ITPR1: variants seen among roughly 807,000 people sequenced by gnomAD.
ITPR1 encodes the protein inositol 1,4,5-trisphosphate receptor type 1.
ITPR1 carries 96 observed loss-of-function variants against 318.4 expected under a neutral mutation model. That is an observed-to-expected ratio of 0.30 (90% confidence interval 0.26 to 0.36). The LOEUF (loss-of-function observed/expected upper bound fraction) is 0.36, where lower values mean the gene tolerates loss of function less well. ITPR1 is among the 10% of genes least tolerant of loss of function. ITPR1 has a pLI of 1.00. For missense variants in ITPR1, 2,440 were observed against 3,460.2 expected (o/e 0.71, Z 7.40); for synonymous variants, 1,312 against 1,289.9 (o/e 1.02, Z -0.37).
intron 4 of ITPR1, among the ~76,000 whole-genome samples, chr3:4,543,109 A>C (rs942141305): frequency 5.9e-5 from 9 of 152,078 alleles, no homozygotes; most frequent in African/African-American, 2.2e-4. Flanking sequence ...CCGTGTTTGA[A>C]TATTTAAACA....
intron 60 of ITPR1, among the ~76,000 whole-genome samples, chr3:4,821,228 G>T (rs577982819): frequency 1.3e-5 from 2 of 152,322 alleles, no homozygotes; most frequent in African/African-American, 4.8e-5. Flanking sequence ...TAGGGTATGT[G>T]GTCCTCAGGA....
intron 5 of ITPR1, among the ~76,000 whole-genome samples, chr3:4,632,965 G>T (rs1408754712): frequency 1.0e-4 from 13 of 130,450 alleles, no homozygotes; most frequent in African/African-American, 3.8e-4. Context: ...TTTGAGATGG[G>T]GTCTTGCTCT....
In ITPR1 at chr3:4,833,658, G is replaced by C. The variant is rs77090043; in HGVS notation, c.8029-3116G>C. Among the ~76,000 whole-genome samples the C allele has an allele frequency of 1.2e-4, 18 of 152,320 alleles. No homozygotes were observed. The East Asian group carries it at 3.5e-3, about 29-fold the overall frequency. On this transcript the variant is annotated intron_variant, in intron 60 of 61. Coordinates refer to ENST00000649015, the MANE Select transcript of ITPR1 (RefSeq NM_001378452.1). Reference sequence around the variant, plus strand: ...TTCTGTTTCCCTCTAGTCTTCAACAGTCCAAGCTGCTCCTGCCTGTCTGCC... The same window carrying C: ...TTCTGTTTCCCTCTAGTCTTCAACACTCCAAGCTGCTCCTGCCTGTCTGCC...
At chr3:4,535,627 A>G (rs2124962348) in intron 4 of ITPR1, among the ~76,000 whole-genome samples, 1 of 151,422 alleles carries the variant, frequency 6.6e-6, no homozygotes, top group African/African-American at 2.4e-5. Flanking sequence ...TTGTATATTT[A>G]GTAGAGACGG....
intron 5 of ITPR1, among the ~76,000 whole-genome samples, chr3:4,631,239 T>C (rs1322115778): frequency 6.6e-6 from 1 of 152,198 alleles, no homozygotes; most frequent in East Asian, 1.9e-4. Context: ...AGGTTGCTGG[T>C]CATGGTATTT....
At chr3:4,606,473 A>C (rs1242037135) in intron 4 of ITPR1, among the ~76,000 whole-genome samples, 2 of 152,190 alleles carry the variant, frequency 1.3e-5, no homozygotes, top group Non-Finnish European at 1.5e-5. Flanking sequence ...GAAGGAAAAA[A>C]AAGAAACAAA....
rs565954861 is a variant in ITPR1 at position 4,841,228 on chromosome 3, A to C, written c.8190+4293A>C. Among the ~76,000 whole-genome samples, 94 of 152,334 alleles carry C rather than the reference A, an allele frequency of 6.2e-4. 1 individual carries two copies. Among genetic ancestry groups the C allele is most frequent in the African/African-American group, 2.2e-3 (90 of 41,566 alleles). ...ACCTCTAGCAATCTGATACAGTATG[A>C]ATGACTTGAGGCATGAATAGTTTCA... is the stretch of plus-strand genomic sequence containing the variant. On this transcript the variant is annotated intron_variant, in intron 61 of 61. Coordinates refer to ENST00000649015, the MANE Select transcript of ITPR1 (RefSeq NM_001378452.1).
At chr3:4,642,717 G>A (rs1189586862) in intron 7 of ITPR1, among the ~76,000 whole-genome samples, 19 of 152,194 alleles carry the variant, frequency 1.2e-4, no homozygotes, top group Admixed American at 1.1e-3. Flanking sequence ...GCTCCCCGTC[G>A]TGTTCAGCAA....
intron 4 of ITPR1, among the ~76,000 whole-genome samples, chr3:4,616,595 CT>C (rs1178975717): frequency 6.6e-6 from 1 of 152,144 alleles, no homozygotes; most frequent in Non-Finnish European, 1.5e-5. Context: ...TATATGCTGG[CT>C]GAATGAAGAA....
chr3:4,700,181 C>A (rs553559419), intron 35 of ITPR1, among the ~76,000 whole-genome samples: 91 of 152,230 alleles, frequency 6.0e-4, no homozygotes, highest in African/African-American at 2.1e-3. Flanking sequence ...ATCTTTTCTG[C>A]TTTTTTTGTC....
Position 4,670,536 on chromosome 3 carries a change from G to A in ITPR1, c.2007-193G>A, listed in dbSNP as rs141080496. Among the ~76,000 whole-genome samples, 27 of 152,284 alleles carry A rather than the reference G, an allele frequency of 1.8e-4. No individual in the cohort carries two copies. The South Asian group carries it at 3.1e-3, about 18-fold the overall frequency. On this transcript the variant is annotated intron_variant, in intron 19 of 61. Coordinates refer to ENST00000649015, the MANE Select transcript of ITPR1 (RefSeq NM_001378452.1). ...AGACATTGCCTGGTGTCCACTGGGG[G>A]CAGCAGCACCATAGTCGAGAACCAC... is the stretch of plus-strand genomic sequence containing the variant.
chr3:4,820,672 ATTC>A (rs1421985715), intron 60 of ITPR1, among the ~76,000 whole-genome samples: 4 of 152,358 alleles, frequency 2.6e-5, no homozygotes, highest in East Asian at 1.9e-4. Context: ...GCATCAAGGA[ATTC>A]TTCTCTGAAT....
chr3:4,815,094 C>T lies in ITPR1; in HGVS notation c.7743C>T (p.Phe2581=). The change falls in exon 59 of 62, where the codon TTC becomes TTT. Residue 2581 remains phenylalanine, a synonymous_variant. Coordinates refer to ENST00000649015, the MANE Select transcript of ITPR1 (RefSeq NM_001378452.1). ...FAARVIYDLL[F]FFMVIIIVLN... is the part of the protein sequence containing the mutation. ...CTAGAGTTATTTATGACCTCTTGTTCTTCTTCATGGTCATCATCATTGTTC... is the reference window on the plus strand; with the variant it reads ...CTAGAGTTATTTATGACCTCTTGTTTTTCTTCATGGTCATCATCATTGTTC... 1 of 1,613,800 alleles carries T rather than the reference C, an allele frequency of 6.2e-7. No individual in the cohort carries two copies.
intron 4 of ITPR1, among the ~76,000 whole-genome samples, chr3:4,541,769 G>A (rs2084479413): frequency 6.6e-6 from 1 of 151,974 alleles, no homozygotes; most frequent in South Asian, 2.1e-4. Flanking sequence ...GGGACTACCA[G>A]CACGTGCCAC....
chr3:4,550,886 T>TA lies in ITPR1; in HGVS notation c.163+29805dup, dbSNP rs879350536. Among the ~76,000 whole-genome samples the TA allele has an allele frequency of 3.3e-3, 471 of 141,686 alleles. 1 individual carries two copies. Among genetic ancestry groups the TA allele is most frequent in the African/African-American group, 9.7e-3 (375 of 38,622 alleles). The allele number at this position is 141,686 out of a possible 152,430, so 93.0% of individuals were successfully genotyped here. On this transcript the variant is annotated intron_variant, in intron 4 of 61. Transcript: ENST00000649015. ...GGGTGACAGAGGCAGACCCTGTCTT[T>TA]AAAAAAAAAAAAAGAAAGAAAAGAA...
chr3:4,812,034 T>C (rs889335311), intron 56 of ITPR1, among the ~76,000 whole-genome samples: 33 of 135,542 alleles, frequency 2.4e-4, no homozygotes, highest in Admixed American at 1.2e-3. Flanking sequence ...GGATCACATG[T>C]ATGTCTTTTT....
chr3:4,673,022 G>A, intron 20 of ITPR1, 114 bp from the exon 21 acceptor site: 1 of 1,116,752 alleles, frequency 9.0e-7, no homozygotes, highest in South Asian at 1.7e-5. Flanking sequence ...GTTGATGTAT[G>A]AGTTTAGTTG....
At chr3:4,655,308 G>C (rs759753815) in intron 12 of ITPR1, among the ~76,000 whole-genome samples, 1 of 152,132 alleles carries the variant, frequency 6.6e-6, no homozygotes, top group East Asian at 1.9e-4. Context: ...TTCGGTGAGC[G>C]CTGATGTCCA....
chr3:4,719,803 A>G (rs896223394), intron 40 of ITPR1, among the ~76,000 whole-genome samples: 50 of 152,176 alleles, frequency 3.3e-4, no homozygotes, highest in Non-Finnish European at 2.9e-5. Context: ...ATTCTAGAAT[A>G]AAATTTTGTT....
Sources: allele counts gnomAD v4.1 joint callset (sites outside exome capture counted in the v4.1 genomes callset), GRCh38; gene constraint gnomAD v4.1.1; transcripts MANE v1.5; gene names NCBI Gene and HGNC (gene_info 2026-07-23, HGNC 2026-07-21).